The following GSE1 variants were observed in gnomAD, a reference collection of about 807,000 sequenced individuals.
GSE1 encodes genetic suppressor element 1.
A neutral mutation model predicts 112.6 loss-of-function variants in GSE1; 32 were observed. That is an observed-to-expected ratio of 0.28 (90% CI 0.21 to 0.38). The LOEUF (loss-of-function observed/expected upper bound fraction) is 0.38, where lower values mean the gene tolerates loss of function less well. Among genes scored for constraint, GSE1 ranks in the 10% least tolerant of loss-of-function variants. The pLI, the probability that GSE1 is intolerant of heterozygous loss-of-function variation, is 1.00. For missense variants in GSE1, 2,348 were observed against 1,699.2 expected, an observed-to-expected ratio of 1.38 and a Z score of -6.71; for synonymous variants, 1,115 against 735.6, an observed-to-expected ratio of 1.52 and a Z score of -8.35.
chr16:85,649,351 C>T (rs1053452329), intron 3 of GSE1, among the ~76,000 whole-genome samples: 22 of 152,232 alleles, frequency 1.4e-4, no homozygotes, highest in African/African-American at 5.3e-4. Flanking sequence ...GGCACACTAG[C>T]TGTGACTGTC....
At chr16:85,525,483 T>G (rs2052337046) in intron 2 of GSE1, among the ~76,000 whole-genome samples, 1 of 152,178 alleles carries the variant, frequency 6.6e-6, no homozygotes, top group South Asian at 2.1e-4. Flanking sequence ...TTTCACAGTT[T>G]CCCTCCTACC....
intron 10 of GSE1, 110 bp from the exon 11 acceptor site, chr16:85,663,234 C>T (rs755091091): frequency 4.0e-5 from 54 of 1,363,316 alleles, no homozygotes; most frequent in African/African-American, 5.7e-5. Flanking sequence ...TCCCACCAGG[C>T]GCAGCCAGCT....
chr16:85,508,069 G>T (rs542858626), intron 2 of GSE1, among the ~76,000 whole-genome samples: 2 of 152,260 alleles, frequency 1.3e-5, no homozygotes, highest in Admixed American at 1.3e-4. Context: ...GAGTCTTGCT[G>T]TGTCGCTCAG....
At chr16:85,516,573 G>A (rs1177732515) in intron 2 of GSE1, among the ~76,000 whole-genome samples, 1 of 144,272 alleles carries the variant, frequency 6.9e-6, no homozygotes, top group African/African-American at 2.6e-5. Context: ...AGGCAACAGA[G>A]GAGACCCTGT....
intron 1 of GSE1, among the ~76,000 whole-genome samples, chr16:85,294,616 A>ACTCTCTCTCTCTCTCTCT (rs756560732): frequency 3.9e-5 from 3 of 76,656 alleles, no homozygotes; most frequent in African/African-American, 1.8e-4. Flanking sequence ...CACGCCTCTC[A>ACTCTCTCTCTCTCTCTCT]CTCTCTCTCT....
At position 85,452,807 on chromosome 16, in the gene GSE1, C is replaced by T. The variant is rs545258485; in HGVS notation, c.2464+95164C>T. 2.0e-5 allele frequency among the ~76,000 whole-genome samples: 3 copies of T among 152,370 alleles called. No homozygotes were observed. In the South Asian group the frequency reaches 6.2e-4, roughly 32 times the overall value. Reference sequence around the variant, plus strand: ...CAGTGGTAGTGGATTGGCGTTCTCTCTCCCCCGTTCGTTCTGTGAACAAAC... The same window carrying T: ...CAGTGGTAGTGGATTGGCGTTCTCTTTCCCCCGTTCGTTCTGTGAACAAAC... On this transcript the variant is annotated intron_variant, in intron 2 of 2. Transcript: ENST00000637419.
chr16:85,509,424 C>G (rs2051657924), intron 2 of GSE1, among the ~76,000 whole-genome samples: 1 of 152,220 alleles, frequency 6.6e-6, no homozygotes, highest in Non-Finnish European at 1.5e-5. Flanking sequence ...CCCCCAGCTC[C>G]AGGTACAGAT....
chr16:85,297,060 G>A (rs1475501040), intron 1 of GSE1, among the ~76,000 whole-genome samples: 1 of 152,222 alleles, frequency 6.6e-6, no homozygotes, highest in Non-Finnish European at 1.5e-5. Context: ...TCAGAACAGT[G>A]TGGGGCAAGG....
At chr16:85,336,653 G>C (rs1293239132) in intron 1 of GSE1, among the ~76,000 whole-genome samples, 1 of 151,362 alleles carries the variant, frequency 6.6e-6, no homozygotes, top group Non-Finnish European at 1.5e-5. Context: ...CCAGGCTGGA[G>C]TGCAGTGGTG....
At chr16:85,226,805 G>C (rs907354947) in intron 1 of GSE1, among the ~76,000 whole-genome samples, 2 of 139,082 alleles carry the variant, frequency 1.4e-5, no homozygotes, top group Admixed American at 1.4e-4. Flanking sequence ...GTGTGTGTGT[G>C]TGTGTGTGTG....
At chr16:85,644,892 T>C (rs576278032) in intron 2 of GSE1, among the ~76,000 whole-genome samples, 11 of 152,106 alleles carry the variant, frequency 7.2e-5, no homozygotes, top group Non-Finnish European at 1.6e-4. Context: ...TTCCCTAGTT[T>C]TTATTTTTTT....
chr16:85,637,899 C>T (rs1300050112), intron 2 of GSE1, among the ~76,000 whole-genome samples: 3 of 152,160 alleles, frequency 2.0e-5, no homozygotes, highest in Non-Finnish European at 4.4e-5. Context: ...TGCCTCCTGG[C>T]GACGGCACGT....
chr16:85,435,018 C>T (rs2049211975), intron 2 of GSE1, among the ~76,000 whole-genome samples: 1 of 152,230 alleles, frequency 6.6e-6, no homozygotes, highest in African/African-American at 2.4e-5. Flanking sequence ...GGAGGGCCTA[C>T]GCTTGGTTTT....
At chr16:85,341,277 C>T (rs933830979) in intron 1 of GSE1, among the ~76,000 whole-genome samples, 2 of 152,072 alleles carry the variant, frequency 1.3e-5, no homozygotes, top group African/African-American at 4.8e-5. Flanking sequence ...GCAGCCTTGA[C>T]CTCCTGGCCT....
intron 2 of GSE1, among the ~76,000 whole-genome samples, chr16:85,485,554 C>T (rs966173756): frequency 2.6e-5 from 4 of 152,266 alleles, no homozygotes; most frequent in South Asian, 2.1e-4. Context: ...CCCGCAGGCC[C>T]GGCTGCCGCC....
At chr16:85,228,055 G>C (rs1375692638) in intron 1 of GSE1, among the ~76,000 whole-genome samples, 1 of 152,206 alleles carries the variant, frequency 6.6e-6, no homozygotes, top group African/African-American at 2.4e-5. Flanking sequence ...GTCAAGTGGA[G>C]GGGCAGTGGG....
intron 2 of GSE1, among the ~76,000 whole-genome samples, chr16:85,482,267 C>G (rs1166674772): frequency 6.6e-6 from 1 of 152,236 alleles, no homozygotes; most frequent in East Asian, 1.9e-4. Context: ...CTCACTGGCA[C>G]TGGGGGTGCT....
chr16:85,173,862 G>C (rs1373500817), intron 1 of GSE1, among the ~76,000 whole-genome samples: 1 of 152,190 alleles, frequency 6.6e-6, no homozygotes, highest in East Asian at 1.9e-4. Context: ...TGGGTTTGGT[G>C]AGGTTTCATG....
chr16:85,201,795 G>A (rs764543116), intron 1 of GSE1, among the ~76,000 whole-genome samples: 2 of 152,180 alleles, frequency 1.3e-5, no homozygotes, highest in East Asian at 1.9e-4. Flanking sequence ...ACAAAGCCGC[G>A]TAGCCTTTTG....
Sources: allele counts gnomAD v4.1 joint callset (sites outside exome capture counted in the v4.1 genomes callset), GRCh38; gene constraint gnomAD v4.1.1; transcripts MANE v1.5; gene names NCBI Gene and HGNC (gene_info 2026-07-23, HGNC 2026-07-21).